The following HHAT variants were observed in gnomAD, a reference collection of about 807,000 sequenced individuals.
HHAT encodes protein-cysteine N-palmitoyltransferase HHAT.
In HHAT, 47 loss-of-function variants were observed where a neutral mutation model predicts 70.8. That is an observed-to-expected ratio of 0.66 (90% CI 0.53 to 0.85). The LOEUF (loss-of-function observed/expected upper bound fraction) is 0.85. HHAT is among the 40% of genes least tolerant of loss of function. The probability of loss-of-function intolerance (pLI) is 0.00; values close to 1 mark genes in which losing one functional copy is unlikely to be tolerated. For missense variants in HHAT, 609 were observed against 604.8 expected, an observed-to-expected ratio of 1.01 and a Z score of -0.07; for synonymous variants, 228 against 247.6, an observed-to-expected ratio of 0.92 and a Z score of 0.74.
At chr1:210,597,301 T>G (rs1228732455) in intron 10 of HHAT, among the ~76,000 whole-genome samples, 1 of 152,170 alleles carries the variant, frequency 6.6e-6, no homozygotes. Flanking sequence ...GTACTGGGTC[T>G]TGCCCATGAC....
At chr1:210,470,654 T>C (rs1045953673) in intron 8 of HHAT, among the ~76,000 whole-genome samples, 5 of 152,188 alleles carry the variant, frequency 3.3e-5, no homozygotes, top group Non-Finnish European at 7.3e-5. Context: ...AAGATTTTTT[T>C]TGGGTGCCTT....
chr1:210,344,905 TCATGCCGGCATC>T (rs1558318451), intron 1 of HHAT, among the ~76,000 whole-genome samples: 2 of 12,026 alleles, frequency 1.7e-4, no homozygotes, highest in Non-Finnish European at 2.6e-4. Context: ...TCGGAACAAG[TCATGCCGGCATC>T]GGAACAAGTC....
rs372430107 is a variant in HHAT at position 210,615,796 on chromosome 1, A to G, written c.1246-7730A>G. 3.8e-4 allele frequency among the ~76,000 whole-genome samples: 58 copies of G among 152,278 alleles called. 1 individual carries two copies. The East Asian group carries it at 0.01, about 27-fold the overall frequency. On this transcript the variant is annotated intron_variant, in intron 10 of 11. Transcript: ENST00000261458. The stretch of plus-strand genomic sequence containing the variant: ...TGTTGCTGCCTGATCGTTCCTCTGG[A>G]GGTTTCGTCTCAGAGGGGTACCTGG...
intron 11 of HHAT, among the ~76,000 whole-genome samples, chr1:210,639,508 C>A (rs12060806): frequency 0.053 from 8,081 of 152,246 alleles, 381 homozygotes; most frequent in African/African-American, 0.13. Flanking sequence ...ACATAGCCAG[C>A]GTCTTGCTGA....
At chr1:210,572,604 C>T (rs143103448) in intron 9 of HHAT, among the ~76,000 whole-genome samples, 1 of 152,118 alleles carries the variant, frequency 6.6e-6, no homozygotes, top group African/African-American at 2.4e-5. Flanking sequence ...CTACAAGTAA[C>T]CTCCTTTGGC....
At chr1:210,443,297 C>CT (rs1242050028) in intron 7 of HHAT, among the ~76,000 whole-genome samples, 1 of 151,810 alleles carries the variant, frequency 6.6e-6, no homozygotes, top group East Asian at 1.9e-4. Context: ...CAGCTTTGTT[C>CT]TTTTGGCTTA....
At chr1:210,449,249 C>T (rs994845999) in intron 7 of HHAT, among the ~76,000 whole-genome samples, 2 of 151,600 alleles carry the variant, frequency 1.3e-5, no homozygotes, top group African/African-American at 4.8e-5. Flanking sequence ...TCTGCCTTTT[C>T]CCCCCTTAGG....
intron 4 of HHAT, among the ~76,000 whole-genome samples, chr1:210,390,135 CAAAA>C (rs1217008089): frequency 8.6e-5 from 13 of 151,338 alleles, no homozygotes; most frequent in Non-Finnish European, 2.9e-5. Flanking sequence ...AGTGGATTCT[CAAAA>C]AAGATGAAGA....
chr1:210,410,852 G>T (rs1388543735), intron 6 of HHAT, among the ~76,000 whole-genome samples: 1 of 152,148 alleles, frequency 6.6e-6, no homozygotes, highest in East Asian at 1.9e-4. Context: ...AAACATTTCT[G>T]TTGCTTGGAG....
chr1:210,410,220 T>A (rs948991940), intron 6 of HHAT, among the ~76,000 whole-genome samples: 1 of 150,436 alleles, frequency 6.6e-6, no homozygotes, highest in Non-Finnish European at 1.5e-5. Flanking sequence ...GCCCAGCTAA[T>A]TTTTTTGTAT....
At chr1:210,672,994 CT>C (rs1680395164) in intron 11 of HHAT, among the ~76,000 whole-genome samples, 1 of 151,956 alleles carries the variant, frequency 6.6e-6, no homozygotes, top group South Asian at 2.1e-4. Context: ...TCGTTCGTTT[CT>C]TTTAACACAC....
intron 6 of HHAT, among the ~76,000 whole-genome samples, chr1:210,415,496 C>T (rs866688038): frequency 6.6e-6 from 1 of 152,206 alleles, no homozygotes; most frequent in African/African-American, 2.4e-5. Context: ...AATCTTGCTT[C>T]TTGGAGAACT....
At chr1:210,668,225 G>T (rs6702159) in intron 11 of HHAT, among the ~76,000 whole-genome samples, 13,704 of 152,146 alleles carry the variant, frequency 0.09, 813 homozygotes, top group Non-Finnish European at 0.14. Context: ...TGGATACTTG[G>T]GTTGCTTCCA....
chr1:210,363,190 C>T (rs1285754137), intron 3 of HHAT, among the ~76,000 whole-genome samples: 2 of 152,214 alleles, frequency 1.3e-5, no homozygotes, highest in African/African-American at 4.8e-5. Context: ...TCAGAAACTT[C>T]CTACTTGACC....
At chr1:210,595,387 C>G (rs186648417) in intron 10 of HHAT, among the ~76,000 whole-genome samples, 313 of 152,324 alleles carry the variant, frequency 2.1e-3, no homozygotes, top group African/African-American at 7.4e-3. Flanking sequence ...TGGGTTGGTT[C>G]CAAGTCTTTG....
rs10664778 is a variant in HHAT, at chr1:210,370,610, A to ATTTTTTTT, written c.159+7705_159+7712dup. 5.1e-5 allele frequency among the ~76,000 whole-genome samples: 5 copies of ATTTTTTTT among 98,356 alleles called. 1 individual carries two copies. The highest frequency in any genetic ancestry group is 5.7e-5 in the Non-Finnish European group (3 of 52,396). The allele number at this position is 98,356 out of a possible 152,430, so 64.5% of individuals were successfully genotyped here. The stretch of plus-strand genomic sequence containing the variant: ...TTTATCCATTCACATTGCAGATGCT[A>ATTTTTTTT]TTTTTTTTTTTTTTTTTTTTTGGAG... On this transcript the variant is annotated intron_variant, in intron 3 of 11. Transcript: ENST00000261458.
chr1:210,504,346 G>C (rs1189626844), intron 8 of HHAT, among the ~76,000 whole-genome samples: 1 of 152,200 alleles, frequency 6.6e-6, no homozygotes, highest in East Asian at 1.9e-4. Context: ...GAATGTTTTT[G>C]AAGCATTTGT....
intron 11 of HHAT, among the ~76,000 whole-genome samples, chr1:210,643,547 C>T (rs2148917361): frequency 6.6e-6 from 1 of 152,300 alleles, no homozygotes; most frequent in East Asian, 1.9e-4. Flanking sequence ...ATCATTCCTT[C>T]CTCTTTTGTA....
At chr1:210,370,804 C>T (rs151021553) in intron 3 of HHAT, among the ~76,000 whole-genome samples, 4,537 of 151,738 alleles carry the variant, frequency 0.03, 91 homozygotes, top group Middle Eastern at 0.058. Context: ...GTAGTAGAGA[C>T]GGGGTTTCAC....
Sources: allele counts gnomAD v4.1 joint callset (sites outside exome capture counted in the v4.1 genomes callset), GRCh38; gene constraint gnomAD v4.1.1; transcripts MANE v1.5; gene names NCBI Gene and HGNC (gene_info 2026-07-23, HGNC 2026-07-21).